The following LCOR variants were observed in gnomAD, a reference collection of about 807,000 sequenced individuals.
LCOR encodes ligand dependent nuclear receptor corepressor, also known as ligand-dependent corepressor.
LCOR carries 14 observed loss-of-function variants against 64.4 expected under a neutral mutation model. That is an observed-to-expected ratio of 0.22 (90% CI 0.14 to 0.34). The LOEUF (loss-of-function observed/expected upper bound fraction) is 0.34, where lower values mean the gene tolerates loss of function less well. Among genes scored for constraint, LCOR ranks in the 10% least tolerant of loss-of-function variants. The probability of loss-of-function intolerance (pLI) is 1.00; values close to 1 mark genes in which losing one functional copy is unlikely to be tolerated. For synonymous variants in LCOR, 643 were observed against 642.5 expected, an observed-to-expected ratio of 1.00 and a Z score of -0.01; for missense variants, 1,686 against 1,765.3, an observed-to-expected ratio of 0.96 and a Z score of 0.80.
At chr10:96,840,334 AATTC>A (rs1278517953) in intron 2 of LCOR, among the ~76,000 whole-genome samples, 1 of 152,182 alleles carries the variant, frequency 6.6e-6, no homozygotes, top group Non-Finnish European at 1.5e-5. Context: ...CATTTTTCTG[AATTC>A]ATTATTGTGC....
intron 2 of LCOR, among the ~76,000 whole-genome samples, chr10:96,902,667 G>A (rs765854900): frequency 2.0e-5 from 3 of 152,102 alleles, no homozygotes; most frequent in Non-Finnish European, 4.4e-5. Context: ...GACTGACTTC[G>A]TATGAAGGCT....
rs1848145563 is a variant in LCOR at position 96,985,905 on chromosome 10, ATCT to A, written c.*777_*779del. The A allele has an allele frequency of 6.0e-6, 1 of 166,890 alleles. No individual in the cohort carries two copies. The highest frequency in any genetic ancestry group is 1.5e-5 in the Non-Finnish European group (1 of 68,072). 10.3% of individuals were successfully genotyped at this position (166,890 alleles called of 1,614,324 possible). A position where few individuals can be genotyped will look rare whatever the true frequency, so the allele number is the denominator to read the frequency against. Reference sequence around the variant, plus strand: ...CCAAACTGTATTACTAATTCTCACCATCTTCTTCATTTCTGGTCTTGCTAGCAC... The same window carrying A: ...CCAAACTGTATTACTAATTCTCACCATCTTCATTTCTGGTCTTGCTAGCAC... On this transcript the variant is annotated 3_prime_UTR_variant, in exon 8 of 8. Transcript: ENST00000421806.
chr10:96,972,357 A>C (rs1052573641), intron 7 of LCOR, among the ~76,000 whole-genome samples: 1 of 152,146 alleles, frequency 6.6e-6, no homozygotes, highest in African/African-American at 2.4e-5. Context: ...ATGAAGTTAG[A>C]AACAAAAATC....
chr10:96,863,143 A>G (rs1845916070), intron 2 of LCOR, among the ~76,000 whole-genome samples: 1 of 150,746 alleles, frequency 6.6e-6, no homozygotes, highest in African/African-American at 2.4e-5. Context: ...TCAGCCTCCC[A>G]GAGTGCTGGG....
At chr10:96,956,570 A>G in intron 7 of LCOR, 2 of 985,850 alleles carry the variant, frequency 2.0e-6, no homozygotes, top group Non-Finnish European at 2.4e-6. Flanking sequence ...ATTAGTGCTC[A>G]CCCAGAGGGG....
intron 2 of LCOR, among the ~76,000 whole-genome samples, chr10:96,888,200 A>T (rs1846376559): frequency 6.6e-6 from 1 of 150,834 alleles, no homozygotes. Context: ...CCCTGTCTCT[A>T]CTAAAAATAC....
At chr10:96,916,267 G>A (rs1159671318) in intron 4 of LCOR, among the ~76,000 whole-genome samples, 8 of 151,944 alleles carry the variant, frequency 5.3e-5, no homozygotes, top group South Asian at 2.1e-4. Flanking sequence ...TCCTGACCTC[G>A]TGATCCGCCC....
In LCOR at chr10:96,993,300, C is replaced by T. The variant is rs1318809033; in HGVS notation, c.*8166C>T. 1 of 152,164 alleles carries T rather than the reference C, an allele frequency of 6.6e-6. No individual in the cohort carries two copies. Among genetic ancestry groups the T allele is most frequent in the Non-Finnish European group, 1.5e-5 (1 of 68,016 alleles). 9.4% of individuals were successfully genotyped at this position (152,164 alleles called of 1,614,324 possible). ...ACGGCCTCCCTTTGTCTTTTCTAAACAAATGAGGCAGACACTTGAACAGTA... is the reference window on the plus strand; with the variant it reads ...ACGGCCTCCCTTTGTCTTTTCTAAATAAATGAGGCAGACACTTGAACAGTA... On this transcript the variant is annotated 3_prime_UTR_variant, in exon 8 of 8. Coordinates refer to ENST00000421806, the MANE Select transcript of LCOR (RefSeq NM_001346516.2).
At chr10:96,923,085 G>A (rs539808351) in intron 4 of LCOR, among the ~76,000 whole-genome samples, 5 of 152,278 alleles carry the variant, frequency 3.3e-5, no homozygotes, top group South Asian at 4.1e-4. Context: ...AAAGTGTATG[G>A]ACATTTAAAT....
In LCOR at chr10:96,887,376, A is replaced by G. The variant is rs568341401; in HGVS notation, c.-329-19889A>G. 2.0e-5 allele frequency among the ~76,000 whole-genome samples: 3 copies of G among 152,086 alleles called. No individual in the cohort carries two copies. The South Asian group carries it at 6.2e-4, about 32-fold the overall frequency. On this transcript the variant is annotated intron_variant, in intron 2 of 7. Transcript: ENST00000421806. ...AGGTCAGGAGATCGAGACCATCCTA[A>G]CATGGTGAAACCCCGTCTCTACTAA... is the stretch of plus-strand genomic sequence containing the variant.
intron 4 of LCOR, among the ~76,000 whole-genome samples, chr10:96,909,662 A>G (rs1023432859): frequency 6.6e-6 from 1 of 152,270 alleles, no homozygotes; most frequent in South Asian, 2.1e-4. Flanking sequence ...TGTAGCCAAC[A>G]TAAGTGCTTT....
At chr10:96,908,643 G>C (rs1183439428) in intron 4 of LCOR, among the ~76,000 whole-genome samples, 1 of 151,230 alleles carries the variant, frequency 6.6e-6, no homozygotes, top group African/African-American at 2.4e-5. Context: ...TATTAATAGT[G>C]GTTTACTACT....
Position 96,989,001 on chromosome 10 carries a change from T to G in LCOR, c.*3867T>G, listed in dbSNP as rs1848172899. ...ATCTGCTGATCCCTGCTTGAGAAAG[T>G]CATCCTTTTCAGGAACAAATATTCT... On this transcript the variant is annotated 3_prime_UTR_variant, in exon 8 of 8. Transcript: ENST00000421806. 2 of 152,216 alleles carry G rather than the reference T, an allele frequency of 1.3e-5. No individual in the cohort carries two copies. The highest frequency in any genetic ancestry group is 4.1e-4 in the South Asian group (2 of 4,832). The allele number at this position is 152,216 out of a possible 1,614,324, so 9.4% of individuals were successfully genotyped here.
Position 96,922,267 on chromosome 10 carries a change from A to G in LCOR, c.-184+14520A>G, listed in dbSNP as rs558214816. ...CAACTATATATTTCGTTCTTCCTAC[A>G]TCAGAAGGACCAGCCACTGTGGGAT... On this transcript the variant is annotated intron_variant, in intron 4 of 7. Transcript: ENST00000421806. Among the ~76,000 whole-genome samples the G allele has an allele frequency of 2.6e-5, 4 of 152,124 alleles. No homozygotes were observed. In the South Asian group the frequency reaches 8.3e-4, roughly 32 times the overall value.
intron 4 of LCOR, among the ~76,000 whole-genome samples, chr10:96,936,441 A>C (rs1847352140): frequency 6.6e-6 from 1 of 152,224 alleles, no homozygotes; most frequent in Admixed American, 6.5e-5. Context: ...AAAATCAACA[A>C]AACCAAAAAC....
chr10:96,955,097 T>C (rs1847745268), intron 7 of LCOR: 1 of 1,614,180 alleles, frequency 6.2e-7, no homozygotes, highest in East Asian at 2.2e-5. Flanking sequence ...CCCTGCAGAT[T>C]AGTGAAGAAC....
chr10:96,857,333 A>C (rs1484821895), intron 2 of LCOR, among the ~76,000 whole-genome samples: 2 of 152,194 alleles, frequency 1.3e-5, no homozygotes, highest in Admixed American at 1.3e-4. Flanking sequence ...GGAAATGTTA[A>C]AGTCTTAAAT....
intron 4 of LCOR, among the ~76,000 whole-genome samples, chr10:96,917,712 T>C (rs538814102): frequency 6.6e-6 from 1 of 152,282 alleles, no homozygotes; most frequent in African/African-American, 2.4e-5. Flanking sequence ...ATGAAACTGT[T>C]CTAGAGTCAT....
chr10:96,832,839 G>C (rs1845366955), intron 1 of LCOR: 1 of 259,622 alleles, frequency 3.9e-6, no homozygotes. Context: ...GCCCCCACCC[G>C]CGCTGTGGCC....
Sources: gnomAD v4.1 joint callset for allele counts (sites outside exome capture counted in the v4.1 genomes callset) on GRCh38, gnomAD v4.1.1 for gene constraint, MANE v1.5 for transcripts, NCBI Gene and HGNC (gene_info 2026-07-23, HGNC 2026-07-21) for gene names.